The following LRRC39 variants were observed in gnomAD, a reference collection of about 807,000 sequenced individuals.
LRRC39 encodes the protein leucine-rich repeat-containing protein 39.
A neutral mutation model predicts 39.7 loss-of-function variants in LRRC39; 35 were observed. The ratio of observed to expected loss-of-function variants is 0.88; its 90% CI spans 0.67 to 1.17. The LOEUF (loss-of-function observed/expected upper bound fraction) is 1.17. Ranked by LOEUF, LRRC39 falls within the 50% of genes most tolerant of loss-of-function variation. The pLI is 0.00. For synonymous variants in LRRC39, 113 were observed against 134.1 expected, an observed-to-expected ratio of 0.84 and a Z score of 1.09; for missense variants, 357 against 385.8, an observed-to-expected ratio of 0.93 and a Z score of 0.62.
intron 2 of LRRC39, among the ~76,000 whole-genome samples, chr1:100,172,051 AAC>A (rs1352944696): frequency 6.6e-6 from 1 of 152,160 alleles, no homozygotes; most frequent in Non-Finnish European, 1.5e-5. Flanking sequence ...ATTATAGATA[AAC>A]ACACACATGT....
intron 8 of LRRC39, 76 bp downstream of exon 8, chr1:100,154,972 TAAC>T (rs1434371691): frequency 3.1e-6 from 4 of 1,289,294 alleles, no homozygotes; most frequent in African/African-American, 3.1e-5. Context: ...AATTTATTAA[TAAC>T]AATCTCTCTA....
At chr1:100,169,148 G>A (rs1174586266) in intron 2 of LRRC39, among the ~76,000 whole-genome samples, 1 of 151,894 alleles carries the variant, frequency 6.6e-6, no homozygotes, top group Non-Finnish European at 1.5e-5. Flanking sequence ...ATTATGGTAG[G>A]TACATTTTAT....
chr1:100,165,272 T>C (rs1659163529), intron 3 of LRRC39, among the ~76,000 whole-genome samples: 1 of 152,008 alleles, frequency 6.6e-6, no homozygotes, highest in South Asian at 2.1e-4. Flanking sequence ...CAGAGAATCC[T>C]CCTCCCTAAT....
chr1:100,165,362 TTCTG>T (rs1659170892), intron 3 of LRRC39, among the ~76,000 whole-genome samples: 3 of 152,162 alleles, frequency 2.0e-5, no homozygotes, highest in Non-Finnish European at 4.4e-5. Context: ...TATAGAGAAC[TTCTG>T]AAATTTCTGA....
At chr1:100,149,890 A>G (rs1446950042) in intron 9 of LRRC39, 1 of 154,000 alleles carries the variant, frequency 6.5e-6, no homozygotes, top group Non-Finnish European at 1.4e-5. Context: ...ATATTCTGAA[A>G]TAACTATTTT....
intron 6 of LRRC39, among the ~76,000 whole-genome samples, chr1:100,156,640 C>T (rs1023432011): frequency 6.6e-6 from 1 of 152,028 alleles, no homozygotes; most frequent in African/African-American, 2.4e-5. Context: ...TCCTTTGATC[C>T]AGTAGTTGAG....
intron 3 of LRRC39, among the ~76,000 whole-genome samples, chr1:100,165,368 A>T (rs1659171187): frequency 2.0e-5 from 3 of 152,126 alleles, no homozygotes; most frequent in Non-Finnish European, 4.4e-5. Context: ...GAACTTCTGA[A>T]ATTTCTGAAA....
intron 1 of LRRC39, among the ~76,000 whole-genome samples, chr1:100,175,062 T>C (rs1232210379): frequency 6.7e-6 from 1 of 149,324 alleles, no homozygotes; most frequent in Non-Finnish European, 1.5e-5. Flanking sequence ...CCTTCCACCA[T>C]GATTGAAAGC....
chr1:100,175,468 A>G (rs1442533779), intron 1 of LRRC39, among the ~76,000 whole-genome samples: 1 of 151,806 alleles, frequency 6.6e-6, no homozygotes, highest in African/African-American at 2.4e-5. Context: ...GATCACAAAC[A>G]TGAGCTGCTG....
chr1:100,170,585 T>C (rs1323334387), intron 2 of LRRC39, among the ~76,000 whole-genome samples: 1 of 152,210 alleles, frequency 6.6e-6, no homozygotes, highest in Non-Finnish European at 1.5e-5. Context: ...TGAATAAAAC[T>C]ACTGAGCTGT....
At chr1:100,152,692 T>G (rs1478157093) in intron 8 of LRRC39, among the ~76,000 whole-genome samples, 168 bp from the exon 9 acceptor site, 1 of 152,120 alleles carries the variant, frequency 6.6e-6, no homozygotes, top group African/African-American at 2.4e-5. Flanking sequence ...TATGTTTTTT[T>G]CCTAAGAGAA....
chr1:100,151,814 C>G (rs1288748458), intron 9 of LRRC39, among the ~76,000 whole-genome samples: 1 of 152,138 alleles, frequency 6.6e-6, no homozygotes, highest in Non-Finnish European at 1.5e-5. Context: ...GTGGCATGCA[C>G]TGATAGCCCC....
chr1:100,152,633 G>C, intron 8 of LRRC39, 109 bp from the exon 9 acceptor site: 2 of 1,155,666 alleles, frequency 1.7e-6, no homozygotes, highest in South Asian at 1.7e-5. Flanking sequence ...TTTTTAACTG[G>C]TTTCAATAAC....
intron 3 of LRRC39, 55 bp from the exon 4 acceptor site, chr1:100,160,626 C>A (rs2101778126): frequency 1.8e-6 from 2 of 1,118,080 alleles, no homozygotes; most frequent in Non-Finnish European, 1.2e-6. Context: ...GTGGCATTCA[C>A]TTTTTTTTTT....
chr1:100,171,274 A>G (rs1449924431), intron 2 of LRRC39, among the ~76,000 whole-genome samples: 1 of 152,200 alleles, frequency 6.6e-6, no homozygotes, highest in Admixed American at 6.5e-5. Context: ...ACTATATCCT[A>G]CAATGACAGA....
At position 100,152,389 on chromosome 1, in the gene LRRC39, T is replaced by C. The variant is rs780610006; in HGVS notation, c.948A>G (p.Arg316=). Residue 316 remains arginine, a synonymous_variant, in exon 9 of 10, where the codon AGA becomes AGG. Transcript: ENST00000370137. ...TGTTATATACAAATCTTATACCTGC[T>C]CTTCTCCGTGACTCTTGTATGTATG... The part of the protein sequence containing the change: ...MHTYIQESRR[R]ADHQVNGSTT... The C allele has an allele frequency of 3.1e-6, 5 of 1,613,628 alleles. No homozygotes were observed. Among genetic ancestry groups the C allele is most frequent in the East Asian group, 2.2e-5 (1 of 44,868 alleles).
chr1:100,154,907 A>C lies in LRRC39; in HGVS notation c.812+144T>G, dbSNP rs1658343650. On this transcript the variant is annotated intron_variant, in intron 8 of 9. Coordinates refer to ENST00000370137, the MANE Select transcript of LRRC39 (RefSeq NM_144620.4). ...ATGAATCCTATTCATCAAATTATAG[A>C]ATGTCAACATTGGAAAAGATTTTTA... 2.8e-5 allele frequency: 19 copies of C among 674,736 alleles called. No individual in the cohort carries two copies. The South Asian group carries it at 5.5e-4, about 19-fold the overall frequency. 41.8% of individuals were successfully genotyped at this position (674,736 alleles called of 1,614,324 possible).
chr1:100,150,785 A>G lies in LRRC39; in HGVS notation c.952+1600T>C, dbSNP rs1657918651. On this transcript the variant is annotated intron_variant, in intron 9 of 9. Coordinates refer to ENST00000370137, the MANE Select transcript of LRRC39 (RefSeq NM_144620.4). ...CAACAAACCTCTTCTTGAACTTCAG[A>G]TTCACCTGCACAATTACCACAACTT... 3.9e-5 allele frequency among the ~76,000 whole-genome samples: 6 copies of G among 152,280 alleles called. No homozygotes were observed. In the South Asian group the frequency reaches 1.2e-3, roughly 32 times the overall value.
Position 100,160,590 on chromosome 1 carries a change from AT to A in LRRC39, c.114-20del. ...CACTAGCCTAGGAAACCAGGAAATC[AT>A]TTTAGTTCATAGACAATTACATAAG... On this transcript the variant is annotated intron_variant, in intron 3 of 9. Transcript: ENST00000370137. 6.4e-7 allele frequency: 1 copy of A among 1,570,366 alleles called. No homozygotes were observed. The highest frequency in any genetic ancestry group is 8.7e-7 in the Non-Finnish European group (1 of 1,154,336).
Sources: gnomAD v4.1 joint callset for allele counts (sites outside exome capture counted in the v4.1 genomes callset) on GRCh38, gnomAD v4.1.1 for gene constraint, MANE v1.5 for transcripts, NCBI Gene and HGNC (gene_info 2026-07-23, HGNC 2026-07-21) for gene names.